WAPL: variants seen among roughly 807,000 people sequenced by gnomAD.
The protein encoded by WAPL is wings apart-like protein homolog.
WAPL carries 5 observed loss-of-function variants against 121.0 expected under a neutral mutation model. That is an observed-to-expected ratio of 0.04 (90% CI 0.02 to 0.09). WAPL has a LOEUF of 0.09. Among genes scored for constraint, WAPL ranks in the 10% least tolerant of loss-of-function variants. The probability of loss-of-function intolerance (pLI) is 1.00; values close to 1 mark genes in which losing one functional copy is unlikely to be tolerated. For synonymous variants in WAPL, 480 were observed against 481.5 expected (o/e 1.00, Z 0.04); for missense variants, 999 against 1,410.8 (o/e 0.71, Z 4.68).
chr10:86,480,288 C>T (rs1424472245), intron 4 of WAPL, among the ~76,000 whole-genome samples: 1 of 152,178 alleles, frequency 6.6e-6, no homozygotes, highest in Non-Finnish European at 1.5e-5. Context: ...ACAATGCACA[C>T]CACTACTGTG....
intron 18 of WAPL, 52 bp from the exon 19 acceptor site, chr10:86,437,660 T>A: frequency 6.3e-7 from 1 of 1,579,204 alleles, no homozygotes; most frequent in Non-Finnish European, 8.7e-7. Flanking sequence ...TTAACAGATT[T>A]TAAGAAGTAT....
chr10:86,473,807 G>A, intron 5 of WAPL, 71 bp downstream of exon 5: 1 of 1,190,414 alleles, frequency 8.4e-7, no homozygotes, highest in Non-Finnish European at 1.2e-6. Context: ...TACAAATTAT[G>A]AATTAAAAGA....
intron 2 of WAPL, among the ~76,000 whole-genome samples, chr10:86,515,366 AAT>A (rs1165203655): frequency 1.3e-5 from 2 of 152,024 alleles, no homozygotes; most frequent in Non-Finnish European, 2.9e-5. Flanking sequence ...GTAGGTGCTC[AAT>A]ATGTTGATAA....
intron 1 of WAPL, among the ~76,000 whole-genome samples, chr10:86,519,038 A>G (rs1268718143): frequency 6.6e-6 from 1 of 152,146 alleles, no homozygotes; most frequent in Non-Finnish European, 1.5e-5. Context: ...ACACTGTTTC[A>G]TGGATTAATA....
At chr10:86,517,490 T>C (rs1842579287) in intron 2 of WAPL, 81 bp downstream of exon 2, 2 of 1,467,808 alleles carry the variant, frequency 1.4e-6, no homozygotes, top group East Asian at 2.4e-5. Flanking sequence ...AAACACAATA[T>C]ATATTTTAGA....
rs1175772727 is a variant in WAPL, at chr10:86,472,689, T to A, written c.1816A>T (p.Ile606Leu). The part of the protein sequence containing the change: ...FKAPAPPSKV[I>L]KTVTIPTQPY... The stretch of plus-strand genomic sequence containing the variant: ...TGAGTAGGTATTGTCACAGTTTTTA[T>A]CACTTTGGATGGTGGTGCAGGAGCC... Residue 606 changes from isoleucine to leucine, a missense_variant, in exon 6 of 19, where the codon ATA becomes TTA. Physicochemically the swap from Ile to Leu is conservative, Grantham distance 5. Around this residue, in one of 7 missense-constraint regions of WAPL, gnomAD observed 74 missense variants for 115.1 expected, o/e 0.64. Transcript: ENST00000298767. This position sits in a 1 kb window ranked among gnomAD's most constrained non-coding sequence, Gnocchi z 4.2. 1.2e-6 allele frequency: 2 copies of A among 1,614,012 alleles called. No individual in the cohort carries two copies. The highest frequency in any genetic ancestry group is 1.7e-6 in the Non-Finnish European group (2 of 1,179,924).
chr10:86,508,482 C>G (rs956232080), intron 2 of WAPL, among the ~76,000 whole-genome samples: 1 of 152,060 alleles, frequency 6.6e-6, no homozygotes, highest in Non-Finnish European at 1.5e-5. Flanking sequence ...TCCTCCCCTT[C>G]GAACATCTTT....
In WAPL at chr10:86,497,067, GAAAA is replaced by G. The variant is rs1206355456; in HGVS notation, c.1644+130_1644+133del. ...AATTTTTTAAAAAATGGTTATATCTGAAAAAACGACTTACACATATCCTTTGAAA... is the reference window on the plus strand; with the variant it reads ...AATTTTTTAAAAAATGGTTATATCTGAACGACTTACACATATCCTTTGAAA... On this transcript the variant is annotated intron_variant, in intron 4 of 18. Coordinates refer to ENST00000298767, the MANE Select transcript of WAPL (RefSeq NM_015045.5). The G allele has an allele frequency of 4.2e-6, 3 of 722,374 alleles. No homozygotes were observed. In the African/African-American group the frequency reaches 5.5e-5, roughly 13 times the overall value. 44.7% of individuals were successfully genotyped at this position (722,374 alleles called of 1,614,324 possible).
intron 12 of WAPL, among the ~76,000 whole-genome samples, chr10:86,457,561 G>A (rs950328234): frequency 6.6e-6 from 1 of 151,926 alleles, no homozygotes; most frequent in African/African-American, 2.4e-5. Flanking sequence ...GCTGAGGCAG[G>A]AGAATCATGT....
chr10:86,496,060 G>A (rs1221179296), intron 4 of WAPL, among the ~76,000 whole-genome samples: 1 of 152,224 alleles, frequency 6.6e-6, no homozygotes, highest in Non-Finnish European at 1.5e-5. Context: ...GTTGCAGTGA[G>A]CCAAGATTGT....
intron 1 of WAPL, among the ~76,000 whole-genome samples, chr10:86,519,936 T>G (rs1295450470): frequency 6.6e-6 from 1 of 152,208 alleles, no homozygotes; most frequent in African/African-American, 2.4e-5. Context: ...CATTCACTGT[T>G]GAAAGTTTGA....
intron 4 of WAPL, among the ~76,000 whole-genome samples, chr10:86,493,361 T>A (rs1842086305): frequency 6.6e-6 from 1 of 151,898 alleles, no homozygotes; most frequent in Non-Finnish European, 1.5e-5. Context: ...AGACTGTACA[T>A]ATACTTAATA....
intron 12 of WAPL, among the ~76,000 whole-genome samples, chr10:86,455,697 G>GAAAAAAAAAAAAAAAAAAAAA (rs1220963010): frequency 7.6e-6 from 1 of 131,338 alleles, no homozygotes; most frequent in Non-Finnish European, 1.6e-5. Context: ...AAAAAAAAAA[G>GAAAAAAAAAAAAAAAAAAAAA]AAAGAAAGAA....
At chr10:86,515,957 C>T (rs1453101034) in intron 2 of WAPL, among the ~76,000 whole-genome samples, 1 of 141,306 alleles carries the variant, frequency 7.1e-6, no homozygotes, top group African/African-American at 2.7e-5. Context: ...CCTCTGTCTC[C>T]TGGGTTCAAG....
chr10:86,452,036 G>A lies in WAPL; in HGVS notation c.3045C>T (p.Ile1015=), dbSNP rs773048925. 16 of 1,614,044 alleles carry A rather than the reference G, an allele frequency of 9.9e-6. No homozygotes were observed. In the Admixed American group the frequency reaches 1.3e-4, roughly 13 times the overall value. Residue 1015 remains isoleucine, a synonymous_variant, in exon 15 of 19, where the codon ATC becomes ATT. Coordinates refer to ENST00000298767, the MANE Select transcript of WAPL (RefSeq NM_015045.5). ...AACTATCATCCCCTTCTCCACTACA[G>A]ATGGAAGAATCAAAAGAGCACGATG... The part of the protein sequence containing the change: ...METSCSFDSS[I]CSGEGDDSLR...
At chr10:86,445,799 G>A (rs565128872) in intron 16 of WAPL, among the ~76,000 whole-genome samples, 27 of 152,152 alleles carry the variant, frequency 1.8e-4, no homozygotes, top group Middle Eastern at 3.4e-3. Flanking sequence ...GCTCACAGGT[G>A]TGAGCCACCA....
Position 86,472,493 on chromosome 10 carries a change from G to T in WAPL, c.1893+119C>A. On this transcript the variant is annotated intron_variant, in intron 6 of 18. Transcript: ENST00000298767. This position sits in a 1 kb window ranked among gnomAD's most constrained non-coding sequence, Gnocchi z 4.2. ...GAACAAGGATGATGGTAGGACAAAA[G>T]AAGTTTGTGGTTCAAAACTGAGTAT... 1 of 1,505,872 alleles carries T rather than the reference G, an allele frequency of 6.6e-7. No individual in the cohort carries two copies. The highest frequency in any genetic ancestry group is 1.4e-5 in the African/African-American group (1 of 71,078). The allele number at this position is 1,505,872 out of a possible 1,614,324, so 93.3% of individuals were successfully genotyped here.
chr10:86,472,132 C>A lies in WAPL; in HGVS notation c.2030+76G>T. The A allele has an allele frequency of 1.4e-6, 2 of 1,417,220 alleles. No individual in the cohort carries two copies. Among genetic ancestry groups the A allele is most frequent in the Non-Finnish European group, 1.9e-6 (2 of 1,069,452 alleles). 87.8% of individuals were successfully genotyped at this position (1,417,220 alleles called of 1,614,324 possible). A position where few individuals can be genotyped will look rare whatever the true frequency, so the allele number is the denominator to read the frequency against. On this transcript the variant is annotated intron_variant, in intron 7 of 18. Coordinates refer to ENST00000298767, the MANE Select transcript of WAPL (RefSeq NM_015045.5). The surrounding 1 kb of genome is among the most constrained non-coding windows in gnomAD (Gnocchi z 4.2). ...TCATAACAAAATAAAAAATGTTTGG[C>A]TTTTTGGACAACACCTAGTTGAAAA...
chr10:86,440,787 G>A (rs1356805337), intron 17 of WAPL, among the ~76,000 whole-genome samples: 1 of 151,484 alleles, frequency 6.6e-6, no homozygotes, highest in Non-Finnish European at 1.5e-5. Flanking sequence ...GCCACACAGA[G>A]TGGGCTGTTG....
Sources: gnomAD v4.1 joint callset for allele counts (sites outside exome capture counted in the v4.1 genomes callset) on GRCh38, gnomAD v4.1.1 for gene constraint, gnomAD v4.1.1 regional missense constraint, Gnocchi (gnomAD v3.1) non-coding constraint, MANE v1.5 for transcripts, NCBI Gene and HGNC (gene_info 2026-07-23, HGNC 2026-07-21) for gene names.